CEP112: variants seen among roughly 807,000 people sequenced by gnomAD.
CEP112 encodes the protein centrosomal protein 112.
A neutral mutation model predicts 153.0 loss-of-function variants in CEP112; 127 were observed. The ratio of observed to expected loss-of-function variants is 0.83; its 90% CI spans 0.72 to 0.96. CEP112 has a LOEUF of 0.96. Among genes scored for constraint, CEP112 ranks in the 40% least tolerant of loss-of-function variants. The pLI, the probability that CEP112 is intolerant of heterozygous loss-of-function variation, is 0.00. For synonymous variants in CEP112, 358 were observed against 374.4 expected, an observed-to-expected ratio of 0.96 and a Z score of 0.51; for missense variants, 1,089 against 1,101.2, an observed-to-expected ratio of 0.99 and a Z score of 0.16.
intron 17 of CEP112, among the ~76,000 whole-genome samples, chr17:65,969,082 ATTTTT>A (rs199636922): frequency 1.5e-4 from 21 of 141,372 alleles, no homozygotes; most frequent in South Asian, 6.6e-4. Context: ...GTGTGTGTGG[ATTTTT>A]TTTTTTTTTT....
chr17:65,826,260 C>G (rs199938505), intron 21 of CEP112: 1 of 1,613,980 alleles, frequency 6.2e-7, no homozygotes. Context: ...GCTTGGTTTT[C>G]CTTGGCAGAT....
chr17:65,957,715 T>C (rs987046214), intron 18 of CEP112, among the ~76,000 whole-genome samples: 2 of 152,184 alleles, frequency 1.3e-5, no homozygotes, highest in Admixed American at 6.5e-5. Flanking sequence ...TTGGACATTT[T>C]GTTGTATTTC....
intron 18 of CEP112, among the ~76,000 whole-genome samples, chr17:65,930,756 G>A (rs1420793): frequency 0.48 from 72,437 of 151,592 alleles, 18,240 homozygotes; most frequent in East Asian, 0.89. Flanking sequence ...ATCTGTCCTC[G>A]GCAATCCAGA....
rs559179452 is a variant in CEP112 at position 65,994,947 on chromosome 17, C to T, written c.1736+10743G>A. On this transcript the variant is annotated intron_variant, in intron 17 of 26. Coordinates refer to ENST00000535342, the MANE Select transcript of CEP112 (RefSeq NM_001199165.4). ...TGCCTCTAAGGGCTCCACCATCAAC[C>T]CCTGAACTAAACATCTTTCATGTGC... Among the ~76,000 whole-genome samples the T allele has an allele frequency of 2.0e-5, 3 of 152,206 alleles. No homozygotes were observed. In the East Asian group the frequency reaches 5.8e-4, roughly 29 times the overall value.
intron 18 of CEP112, among the ~76,000 whole-genome samples, chr17:65,957,764 G>C (rs1427604137): frequency 6.6e-6 from 1 of 151,778 alleles, no homozygotes; most frequent in Non-Finnish European, 1.5e-5. Context: ...CTCAAGCTTT[G>C]CTTTTTAACT....
At chr17:66,097,505 G>A (rs1250930289) in intron 6 of CEP112, among the ~76,000 whole-genome samples, 3 of 152,262 alleles carry the variant, frequency 2.0e-5, no homozygotes, top group African/African-American at 7.2e-5. Flanking sequence ...CAGAAAGAAG[G>A]AAGAAACAAG....
At chr17:66,086,480 T>C (rs557494153) in intron 8 of CEP112, among the ~76,000 whole-genome samples, 18 of 139,992 alleles carry the variant, frequency 1.3e-4, no homozygotes, top group Non-Finnish European at 2.3e-4. Context: ...CTCGGCTCAC[T>C]GCAAGGTCTG....
chr17:65,858,111 C>T (rs1215032377), intron 20 of CEP112, among the ~76,000 whole-genome samples: 1 of 152,128 alleles, frequency 6.6e-6, no homozygotes, highest in African/African-American at 2.4e-5. Context: ...ACTTGATTTG[C>T]TAATAATTCC....
At chr17:65,824,983 C>A (rs1021027170) in intron 21 of CEP112, among the ~76,000 whole-genome samples, 4 of 152,070 alleles carry the variant, frequency 2.6e-5, no homozygotes, top group African/African-American at 9.7e-5. Context: ...AGTATATACC[C>A]CAAAGAACTG....
intron 12 of CEP112, among the ~76,000 whole-genome samples, chr17:66,039,591 G>T (rs2065888201): frequency 6.6e-6 from 1 of 152,060 alleles, no homozygotes; most frequent in Non-Finnish European, 1.5e-5. Context: ...ATAACAAAAG[G>T]TGCTTATGTC....
intron 17 of CEP112, among the ~76,000 whole-genome samples, chr17:65,980,540 T>C (rs938880095): frequency 2.0e-5 from 3 of 152,176 alleles, no homozygotes; most frequent in African/African-American, 2.4e-5. Flanking sequence ...GAACATGTTA[T>C]TCCTTCTGGT....
At chr17:65,853,018 T>C (rs1194697244) in intron 20 of CEP112, among the ~76,000 whole-genome samples, 2 of 152,250 alleles carry the variant, frequency 1.3e-5, no homozygotes, top group Non-Finnish European at 2.9e-5. Flanking sequence ...CTTTGACTTA[T>C]GAACCATTTA....
intron 4 of CEP112, among the ~76,000 whole-genome samples, chr17:66,141,199 T>C (rs2070683339): frequency 6.7e-6 from 1 of 150,056 alleles, no homozygotes; most frequent in African/African-American, 2.5e-5. Flanking sequence ...TTCTGTAATA[T>C]TTAATCTGCT....
intron 4 of CEP112, among the ~76,000 whole-genome samples, chr17:66,141,496 C>A (rs2070698154): frequency 1.3e-5 from 2 of 152,090 alleles, no homozygotes; most frequent in African/African-American, 4.8e-5. Context: ...CAGTGTTGTG[C>A]AGCAGACTTC....
intron 4 of CEP112, among the ~76,000 whole-genome samples, chr17:66,149,880 G>GTTTTTTTTT (rs1568549274): frequency 1.6e-5 from 1 of 60,728 alleles, no homozygotes; most frequent in Non-Finnish European, 3.0e-5. Context: ...TTTTTTTTTT[G>GTTTTTTTTT]TTTGTTTGTT....
rs73338876 is a variant in CEP112 at position 65,749,179 on chromosome 17, T to A, written c.2457+1483A>T. Among the ~76,000 whole-genome samples, 1,141 of 152,266 alleles carry A rather than the reference T, an allele frequency of 7.5e-3. 16 individuals are homozygous for A. The highest frequency in any genetic ancestry group is 0.026 in the African/African-American group (1,077 of 41,560). On this transcript the variant is annotated intron_variant, in intron 22 of 26. Transcript: ENST00000535342. ...TACGACTCTTCATTTGGACAAAGAC[T>A]TTTTGCTTTTCTAATGGGATGTGAA...
At chr17:65,668,018 T>A (rs1485880037) in intron 24 of CEP112, among the ~76,000 whole-genome samples, 1 of 151,936 alleles carries the variant, frequency 6.6e-6, no homozygotes, top group Non-Finnish European at 1.5e-5. Flanking sequence ...TGGTTCAGCC[T>A]CCCAAGTAGC....
At chr17:65,971,805 A>C (rs1053212670) in intron 17 of CEP112, among the ~76,000 whole-genome samples, 5 of 152,212 alleles carry the variant, frequency 3.3e-5, no homozygotes, top group Non-Finnish European at 5.9e-5. Flanking sequence ...AGCCTATTCC[A>C]GGGCAAAGAA....
intron 6 of CEP112, among the ~76,000 whole-genome samples, chr17:66,124,688 G>A (rs2146483219): frequency 6.6e-6 from 1 of 152,220 alleles, no homozygotes; most frequent in East Asian, 1.9e-4. Flanking sequence ...GGCCCACCCT[G>A]GAGTCAAAGC....
Sources: allele counts gnomAD v4.1 joint callset (sites outside exome capture counted in the v4.1 genomes callset), GRCh38; gene constraint gnomAD v4.1.1; transcripts MANE v1.5; gene names NCBI Gene and HGNC (gene_info 2026-07-23, HGNC 2026-07-21).